Variants in CDK2AP2 observed in about 807,000 individuals in gnomAD.
CDK2AP2 encodes the protein cyclin-dependent kinase 2-associated protein 2.
In CDK2AP2, 1 loss-of-function variant was observed where a neutral mutation model predicts 13.0. The observed-to-expected ratio is 0.08, with a 90% CI of 0.03 to 0.37. The LOEUF is 0.37. Ranked by LOEUF, CDK2AP2 falls within the 10% of genes least tolerant of loss-of-function variation. CDK2AP2 has a pLI of 0.99. For missense variants in CDK2AP2, 129 were observed against 175.8 expected, an observed-to-expected ratio of 0.73 and a Z score of 1.50; for synonymous variants, 76 against 73.0, an observed-to-expected ratio of 1.04 and a Z score of -0.21.
chr11:67,507,522 T>C, intron 2 of CDK2AP2, 25 bp from the exon 3 acceptor site: 3 of 1,613,812 alleles, frequency 1.9e-6, no homozygotes, highest in Non-Finnish European at 2.5e-6. Context: ...AACAGGGCAG[T>C]GAGCTCAGGC....
At chr11:67,507,870 CCA>C (rs1866567760) in intron 1 of CDK2AP2, 129 bp downstream of exon 1, 3 of 1,540,868 alleles carry the variant, frequency 1.9e-6, no homozygotes, top group African/African-American at 1.4e-5. Flanking sequence ...GTGACCACGC[CCA>C]CTTCACAGGC....
chr11:67,507,019 G>A lies in CDK2AP2; in HGVS notation c.314-7C>T, dbSNP rs1340681716. ...GCCCGGGCATGGATGATACCTGGGG[G>A]TGGGGTGGGGTCTCAGCAACCCTCC... On this transcript the variant is annotated splice_region_variant and splice_polypyrimidine_tract_variant and intron_variant, in intron 3 of 3. Coordinates refer to ENST00000301488, the MANE Select transcript of CDK2AP2 (RefSeq NM_005851.5). The A allele has an allele frequency of 5.8e-6, 9 of 1,543,822 alleles. No homozygotes were observed. The highest frequency in any genetic ancestry group is 1.2e-5 in the South Asian group (1 of 82,932).
chr11:67,507,868 G>A (rs1866567632), intron 1 of CDK2AP2, 133 bp downstream of exon 1: 1 of 1,540,360 alleles, frequency 6.5e-7, no homozygotes, highest in Non-Finnish European at 8.7e-7. Flanking sequence ...ACGTGACCAC[G>A]CCCACTTCAC....
In CDK2AP2 at chr11:67,506,949, G is replaced by T. The variant is rs1482336115; in HGVS notation, c.377C>A (p.Thr126Lys). The T allele has an allele frequency of 6.4e-7, 1 of 1,556,504 alleles. No individual in the cohort carries two copies. Among genetic ancestry groups the T allele is most frequent in the Non-Finnish European group, 8.7e-7 (1 of 1,149,794 alleles). Reference sequence around the variant, plus strand: ...CTGAGGCCGAGGCGCTTCCTGTTACGTGCGGGCGTTCCGCTCTGTCTCTGC... The same window carrying T: ...CTGAGGCCGAGGCGCTTCCTGTTACTTGCGGGCGTTCCGCTCTGTCTCTGC... ...CLAETERNART is the reference protein window; with the variant it reads ...CLAETERNARK The change falls in exon 4 of 4, where the codon ACG becomes AAG. Residue 126 changes from threonine to lysine, a missense_variant. Thr to Lys is a moderately conservative substitution (Grantham distance 78, BLOSUM62 -1). Transcript: ENST00000301488.
In CDK2AP2 at chr11:67,508,108, C is replaced by A; in HGVS notation, c.-26G>T. ...CCCCAACTCCTGGGCGCGGCGGACGCCAGCCGGCCGCTCCTCGGGGGTTGG... is the reference window on the plus strand; with the variant it reads ...CCCCAACTCCTGGGCGCGGCGGACGACAGCCGGCCGCTCCTCGGGGGTTGG... On this transcript the variant is annotated 5_prime_UTR_variant, in exon 1 of 4. Transcript: ENST00000301488. 6.9e-7 allele frequency: 1 copy of A among 1,451,890 alleles called. No homozygotes were observed. The highest frequency in any genetic ancestry group is 1.5e-5 in the South Asian group (1 of 68,546). The allele number at this position is 1,451,890 out of a possible 1,614,324, so 89.9% of individuals were successfully genotyped here.
Position 67,507,472 on chromosome 11 carries a change from C to A in CDK2AP2, c.206G>T (p.Gly69Val). The change falls in exon 3 of 4, where the codon GGC (glycine) becomes GTC (valine). Residue 69 changes from glycine (G) to valine (V), a missense_variant. Coordinates refer to ENST00000301488, the MANE Select transcript of CDK2AP2 (RefSeq NM_005851.5). ...VQAMKPPGAQ[G>V]SQSTYTDLLS... ...CAGGTCCGTGTAGGTGCTCTGGGAGCCCTGGGCGCCGGGTGGCTTCATCGC... is the reference window on the plus strand; with the variant it reads ...CAGGTCCGTGTAGGTGCTCTGGGAGACCTGGGCGCCGGGTGGCTTCATCGC... 6.2e-7 allele frequency: 1 copy of A among 1,613,912 alleles called. No individual in the cohort carries two copies. The highest frequency in any genetic ancestry group is 8.5e-7 in the Non-Finnish European group (1 of 1,180,024).
At chr11:67,507,299 C>T (rs1261799325) in intron 3 of CDK2AP2, 66 bp downstream of exon 3, 1 of 1,590,492 alleles carries the variant, frequency 6.3e-7, no homozygotes. Flanking sequence ...TCCAGATGTC[C>T]TTCCTTCCCT....
chr11:67,508,012 G>A lies in CDK2AP2; in HGVS notation c.71C>T (p.Pro24Leu). 2 of 1,543,704 alleles carry A rather than the reference G, an allele frequency of 1.3e-6. No homozygotes were observed. Among genetic ancestry groups the A allele is most frequent in the Non-Finnish European group, 1.7e-6 (2 of 1,145,048 alleles). Reference protein sequence around the residue: ...PGSSTPGPGTPVPTGSVPSPS... With the variant: ...PGSSTPGPGTLVPTGSVPSPS... Reference sequence around the variant, plus strand: ...AGCTGGATCCTCACCTGTAGGGACCGGGGTGCCCGGCCCAGGGGTGCTGGA... The same window carrying A: ...AGCTGGATCCTCACCTGTAGGGACCAGGGTGCCCGGCCCAGGGGTGCTGGA... Residue 24 changes from proline (P) to leucine (L), a missense_variant, in exon 1 of 4, where the codon CCG becomes CTG. Around this residue, in one of 2 missense-constraint regions of CDK2AP2, gnomAD observed 98 missense variants for 99.7 expected, o/e 0.98. Coordinates refer to ENST00000301488, the MANE Select transcript of CDK2AP2 (RefSeq NM_005851.5).
intron 3 of CDK2AP2, 120 bp from the exon 4 acceptor site, chr11:67,507,132 G>A: frequency 2.4e-6 from 2 of 850,242 alleles, no homozygotes; most frequent in South Asian, 1.8e-5. Context: ...ATCTAATGAC[G>A]GCTAGATGAA....
chr11:67,507,206 G>T, intron 3 of CDK2AP2, 159 bp downstream of exon 3: 1 of 918,798 alleles, frequency 1.1e-6, no homozygotes, highest in Non-Finnish European at 1.7e-6. Context: ...GCTCTTCCCT[G>T]GAAATGGACT....
chr11:67,507,472 C>T lies in CDK2AP2; in HGVS notation c.206G>A (p.Gly69Asp). The change falls in exon 3 of 4, where the codon GGC becomes GAC. Residue 69 changes from glycine (G) to aspartate (D), a missense_variant. Physicochemically the swap from Gly to Asp is moderately conservative, Grantham distance 94. Coordinates refer to ENST00000301488, the MANE Select transcript of CDK2AP2 (RefSeq NM_005851.5). Reference protein sequence around the residue: ...VQAMKPPGAQGSQSTYTDLLS... With the variant: ...VQAMKPPGAQDSQSTYTDLLS... ...CAGGTCCGTGTAGGTGCTCTGGGAG[C>T]CCTGGGCGCCGGGTGGCTTCATCGC... 6.2e-7 allele frequency: 1 copy of T among 1,613,912 alleles called. No individual in the cohort carries two copies. The highest frequency in any genetic ancestry group is 8.5e-7 in the Non-Finnish European group (1 of 1,180,024).
Position 67,506,997 on chromosome 11 carries a change from C to G in CDK2AP2, c.329G>C (p.Arg110Pro). The G allele has an allele frequency of 6.4e-7, 1 of 1,555,100 alleles. No homozygotes were observed. Among genetic ancestry groups the G allele is most frequent in the Non-Finnish European group, 8.7e-7 (1 of 1,149,246 alleles). Residue 110 changes from arginine (R) to proline (P), a missense_variant, in exon 4 of 4, where the codon CGG (arginine) becomes CCG (proline). Physicochemically the swap from Arg to Pro is moderately radical, Grantham distance 103. Transcript: ENST00000301488. ...ERLKRGIIHA[R>P]ALVRECLAET... ...TGCCAGGCACTCTCTGACTAGGGCC[C>G]GGGCATGGATGATACCTGGGGGTGG...
intron 1 of CDK2AP2, 116 bp from the exon 2 acceptor site, chr11:67,507,805 C>A: frequency 6.5e-7 from 1 of 1,539,966 alleles, no homozygotes; most frequent in Non-Finnish European, 8.7e-7. Context: ...TCATTCCATG[C>A]TGATCAACTT....
At position 67,507,638 on chromosome 11, in the gene CDK2AP2, C is replaced by T. The variant is rs1866561983; in HGVS notation, c.134G>A (p.Arg45Lys). ...CGGTCCAAAGTCGTTAAACAGCGGT[C>T]TGAAAGGAGCGCCGGCTCCTGGCAC... Reference protein sequence around the residue: ...GSVPGAGAPFRPLFNDFGPPS... With the variant: ...GSVPGAGAPFKPLFNDFGPPS... Residue 45 changes from arginine to lysine, a missense_variant, in exon 2 of 4, where the codon AGA becomes AAA. By Grantham distance (26) the Arg-to-Lys change is conservative. Coordinates refer to ENST00000301488, the MANE Select transcript of CDK2AP2 (RefSeq NM_005851.5). The T allele has an allele frequency of 6.2e-7, 1 of 1,613,440 alleles. No individual in the cohort carries two copies. The highest frequency in any genetic ancestry group is 8.5e-7 in the Non-Finnish European group (1 of 1,180,030).
In CDK2AP2 at chr11:67,507,021, G is replaced by A. The variant is rs1204997120; in HGVS notation, c.314-9C>T. 2.6e-6 allele frequency: 4 copies of A among 1,544,626 alleles called. No homozygotes were observed. In the Admixed American group the frequency reaches 7.9e-5, roughly 30 times the overall value. ...CCGGGCATGGATGATACCTGGGGGTGGGGTGGGGTCTCAGCAACCCTCCAC... is the reference window on the plus strand; with the variant it reads ...CCGGGCATGGATGATACCTGGGGGTAGGGTGGGGTCTCAGCAACCCTCCAC... On this transcript the variant is annotated splice_polypyrimidine_tract_variant and intron_variant, in intron 3 of 3. Coordinates refer to ENST00000301488, the MANE Select transcript of CDK2AP2 (RefSeq NM_005851.5).
intron 1 of CDK2AP2, 41 bp downstream of exon 1, chr11:67,507,960 G>A (rs756230882): frequency 6.5e-7 from 1 of 1,549,602 alleles, no homozygotes; most frequent in Non-Finnish European, 8.7e-7. Context: ...TCGAGACCTC[G>A]ACCGCCCGGC....
Position 67,507,701 on chromosome 11 carries a change from G to A in CDK2AP2, c.83-12C>T, listed in dbSNP as rs755369700. ...CGACGGGACGCTTCCTGCAGCAACA[G>A]GCGCGAGTAAGAGGTCAGCGCGGGG... On this transcript the variant is annotated splice_polypyrimidine_tract_variant and intron_variant, in intron 1 of 3. Coordinates refer to ENST00000301488, the MANE Select transcript of CDK2AP2 (RefSeq NM_005851.5). 7.4e-6 allele frequency: 12 copies of A among 1,612,472 alleles called. No individual in the cohort carries two copies. The highest frequency in any genetic ancestry group is 9.3e-6 in the Non-Finnish European group (11 of 1,179,808).
At chr11:67,507,837 G>A (rs953128040) in intron 1 of CDK2AP2, 148 bp from the exon 2 acceptor site, 7 of 1,537,154 alleles carry the variant, frequency 4.6e-6, no homozygotes, top group Middle Eastern at 1.7e-4. Flanking sequence ...CCCTCCCACT[G>A]CGCTCCACCT....
At position 67,506,964 on chromosome 11, in the gene CDK2AP2, T is replaced by G. The variant is rs1462095270; in HGVS notation, c.362A>C (p.Glu121Ala). The change falls in exon 4 of 4, where the codon GAG becomes GCG. Residue 121 changes from glutamate to alanine, a missense_variant. This residue lies in a region of CDK2AP2 where 31 missense variants were observed against 76.0 expected (regional missense o/e 0.41). Transcript: ENST00000301488. ...TTCCTGTTACGTGCGGGCGTTCCGCTCTGTCTCTGCCAGGCACTCTCTGAC... is the reference window on the plus strand; with the variant it reads ...TTCCTGTTACGTGCGGGCGTTCCGCGCTGTCTCTGCCAGGCACTCTCTGAC... The part of the protein sequence containing the change: ...ALVRECLAET[E>A]RNART The G allele has an allele frequency of 1.3e-6, 2 of 1,559,752 alleles. No homozygotes were observed. The highest frequency in any genetic ancestry group is 1.7e-6 in the Non-Finnish European group (2 of 1,151,548).
Sources: allele counts gnomAD v4.1 joint callset, GRCh38; gene constraint gnomAD v4.1.1; regional missense constraint gnomAD v4.1.1; transcripts MANE v1.5; gene names NCBI Gene and HGNC (gene_info 2026-07-23, HGNC 2026-07-21).